SLC2A2: variants seen among roughly 807,000 people sequenced by gnomAD.
The protein encoded by SLC2A2 is solute carrier family 2, facilitated glucose transporter member 2.
In SLC2A2, 36 loss-of-function variants were observed where a neutral mutation model predicts 54.5. That is an observed-to-expected ratio of 0.66 (90% CI 0.51 to 0.87). The LOEUF (loss-of-function observed/expected upper bound fraction) is 0.87, where lower values mean the gene tolerates loss of function less well. Among genes scored for constraint, SLC2A2 ranks in the 40% least tolerant of loss-of-function variants. The pLI is 0.00. For missense variants in SLC2A2, 543 were observed against 624.3 expected (o/e 0.87, Z 1.39); for synonymous variants, 223 against 219.1 (o/e 1.02, Z -0.16).
intron 1 of SLC2A2, among the ~76,000 whole-genome samples, chr3:171,020,321 G>C (rs1716394802): frequency 6.6e-6 from 1 of 152,140 alleles, no homozygotes; most frequent in Non-Finnish European, 1.5e-5. Context: ...TACTTGGAGA[G>C]CCTGTTACAC....
intron 7 of SLC2A2, among the ~76,000 whole-genome samples, chr3:171,002,922 T>C (rs1715407323): frequency 1.3e-5 from 2 of 152,048 alleles, no homozygotes; most frequent in Non-Finnish European, 2.9e-5. Context: ...GCATTTTCTT[T>C]ATTTTTGTAA....
At chr3:171,022,395 A>C (rs1716503751) in intron 1 of SLC2A2, among the ~76,000 whole-genome samples, 1 of 152,094 alleles carries the variant, frequency 6.6e-6, no homozygotes, top group African/African-American at 2.4e-5. Context: ...CTTCAAACAC[A>C]CAGAAATCTC....
Position 170,998,059 on chromosome 3 carries a change from G to A in SLC2A2, c.1419C>T (p.Leu473=). 1.2e-6 allele frequency: 2 copies of A among 1,613,642 alleles called. No individual in the cohort carries two copies. Among genetic ancestry groups the A allele is most frequent in the Non-Finnish European group, 1.7e-6 (2 of 1,179,794 alleles). ...AAAATGTGAACAGGGTAAAGGCCAGGAGCACTCCAGCAAAGAGGAAAAACA... is the reference window on the plus strand; with the variant it reads ...AAAATGTGAACAGGGTAAAGGCCAGAAGCACTCCAGCAAAGAGGAAAAACA... ...PYVFFLFAGV[L]LAFTLFTFFK... The change falls in exon 11 of 11, where the codon CTC becomes CTT. Residue 473 remains leucine, a synonymous_variant. Transcript: ENST00000314251.
intron 2 of SLC2A2, among the ~76,000 whole-genome samples, chr3:171,016,503 A>T (rs1479296908): frequency 2.0e-5 from 3 of 152,224 alleles, no homozygotes. Flanking sequence ...TGAAGGAAAT[A>T]TCCAAAATGT....
At chr3:171,024,843 A>G (rs1428203754) in intron 1 of SLC2A2, among the ~76,000 whole-genome samples, 2 of 152,322 alleles carry the variant, frequency 1.3e-5, no homozygotes, top group South Asian at 2.1e-4. Context: ...CAAAGCTGAA[A>G]AACATTGCAC....
rs372621339 is a variant in SLC2A2, at chr3:171,010,008, G to C, written c.446C>G (p.Pro149Arg). ...TCCAGCAATTATAAGTATATGAGATGGTCCCAATTTTGAAAACCCCATCAA... is the reference window on the plus strand; with the variant it reads ...TCCAGCAATTATAAGTATATGAGATCGTCCCAATTTTGAAAACCCCATCAA... ...ALLMGFSKLG[P>R]SHILIIAGRS... The change falls in exon 4 of 11, where the codon CCA (proline) becomes CGA (arginine). Residue 149 changes from proline (P) to arginine (R), a missense_variant. By Grantham distance (103) the Pro-to-Arg change is moderately radical. Transcript: ENST00000314251. 2.5e-6 allele frequency: 4 copies of C among 1,599,398 alleles called. No homozygotes were observed. The African/African-American group carries it at 5.4e-5, about 22-fold the overall frequency.
At chr3:171,007,107 G>A in intron 5 of SLC2A2, 41 bp downstream of exon 5, 2 of 1,099,570 alleles carry the variant, frequency 1.8e-6, no homozygotes, top group African/African-American at 1.5e-5. Context: ...AGAGGATGAA[G>A]TAGATGGGTG....
intron 1 of SLC2A2, among the ~76,000 whole-genome samples, chr3:171,021,192 C>G (rs35297160): frequency 0.2 from 31,036 of 152,058 alleles, 4,541 homozygotes; most frequent in African/African-American, 0.42. Flanking sequence ...TTTTTCCCCT[C>G]AAGCTATTTC....
At chr3:171,024,925 G>A (rs764416516) in intron 1 of SLC2A2, among the ~76,000 whole-genome samples, 28 of 152,146 alleles carry the variant, frequency 1.8e-4, no homozygotes, top group Non-Finnish European at 3.1e-4. Flanking sequence ...GATCTACAAC[G>A]TAATTTCAAA....
Position 171,005,280 on chromosome 3 carries a change from C to G in SLC2A2, c.963+5G>C, listed in dbSNP as rs543392003. The G allele has an allele frequency of 1.9e-6, 3 of 1,612,332 alleles. No individual in the cohort carries two copies. Among genetic ancestry groups the G allele is most frequent in the Non-Finnish European group, 2.5e-6 (3 of 1,178,734 alleles). ...TTAAGAGTTAGTGGGTGTTCTTAAA[C>G]TTACGCCATTGATTCCGGAAAATTG... On this transcript the variant is annotated splice_donor_5th_base_variant and intron_variant, in intron 7 of 10. Transcript: ENST00000314251.
At chr3:171,006,150 A>T (rs1398420739) in intron 5 of SLC2A2, 45 bp from the exon 6 acceptor site, 7 of 1,564,312 alleles carry the variant, frequency 4.5e-6, no homozygotes, top group Non-Finnish European at 6.2e-6. Context: ...AATACTTTGG[A>T]TCTACCTTTT....
intron 1 of SLC2A2, 67 bp downstream of exon 1, chr3:171,026,589 G>T: frequency 2.2e-6 from 3 of 1,354,082 alleles, no homozygotes; most frequent in South Asian, 1.2e-5. Flanking sequence ...TCCTCTGTAT[G>T]ACTTGACTGT....
At chr3:171,006,873 C>T (rs1450990741) in intron 5 of SLC2A2, among the ~76,000 whole-genome samples, 1 of 151,994 alleles carries the variant, frequency 6.6e-6, no homozygotes, top group Non-Finnish European at 1.5e-5. Flanking sequence ...TGCCAGGTCA[C>T]CTCCAGTGCT....
At chr3:171,000,702 A>T (rs1306545436) in intron 8 of SLC2A2, among the ~76,000 whole-genome samples, 1 of 151,622 alleles carries the variant, frequency 6.6e-6, no homozygotes, top group Non-Finnish European at 1.5e-5. Context: ...AAAATATAGG[A>T]TGTGGAACAC....
At chr3:171,025,001 T>C (rs1038102628) in intron 1 of SLC2A2, among the ~76,000 whole-genome samples, 12 of 152,256 alleles carry the variant, frequency 7.9e-5, no homozygotes, top group Admixed American at 6.5e-5. Flanking sequence ...CCAGACACTA[T>C]GTTAAGCACA....
At chr3:171,014,008 G>A (rs190681488) in intron 3 of SLC2A2, among the ~76,000 whole-genome samples, 8 of 152,208 alleles carry the variant, frequency 5.3e-5, no homozygotes, top group Admixed American at 4.6e-4. Flanking sequence ...TGGGAGTTGG[G>A]GATGTTGACT....
chr3:171,006,912 T>G (rs1488370716), intron 5 of SLC2A2, among the ~76,000 whole-genome samples: 3 of 151,960 alleles, frequency 2.0e-5, no homozygotes, highest in African/African-American at 7.2e-5. Flanking sequence ...AGGGGAAAAG[T>G]GAGGAGTGAT....
At chr3:170,999,233 C>T (rs963291575) in intron 8 of SLC2A2, 67 bp from the exon 9 acceptor site, 1 of 1,036,566 alleles carries the variant, frequency 9.6e-7, no homozygotes, top group Non-Finnish European at 1.5e-6. Context: ...TTACTTAAAT[C>T]ATTTTTACTG....
intron 1 of SLC2A2, 92 bp downstream of exon 1, chr3:171,026,564 C>G: frequency 9.4e-7 from 1 of 1,065,318 alleles, no homozygotes; most frequent in South Asian, 1.3e-5. Context: ...GTAGCTACAC[C>G]CAACCTCCCC....
Sources: gnomAD v4.1 joint callset for allele counts (sites outside exome capture counted in the v4.1 genomes callset) on GRCh38, gnomAD v4.1.1 for gene constraint, MANE v1.5 for transcripts, NCBI Gene and HGNC (gene_info 2026-07-23, HGNC 2026-07-21) for gene names.